The following HYDIN variants were observed in gnomAD, a reference collection of about 807,000 sequenced individuals.
The protein encoded by HYDIN is axonemal central pair apparatus protein HYDIN.
HYDIN carries 132 observed loss-of-function variants against 403.9 expected under a neutral mutation model. The ratio of observed to expected loss-of-function variants is 0.33; its 90% CI spans 0.28 to 0.38. The LOEUF (loss-of-function observed/expected upper bound fraction) is 0.38. HYDIN is among the 10% of genes least tolerant of loss of function. The pLI is 1.00. For synonymous variants in HYDIN, 1,202 were observed against 1,891.7 expected, an observed-to-expected ratio of 0.64 and a Z score of 9.46; for missense variants, 2,827 against 5,009.5, an observed-to-expected ratio of 0.56 and a Z score of 13.15.
At chr16:70,978,363 C>G (rs1240558312) in intron 30 of HYDIN, among the ~76,000 whole-genome samples, 1 of 148,368 alleles carries the variant, frequency 6.7e-6, no homozygotes, top group Non-Finnish European at 1.5e-5. Context: ...TAGAATGACT[C>G]CATCAGCTTA....
At chr16:70,868,099 A>G (rs2039868082) in intron 66 of HYDIN, among the ~76,000 whole-genome samples, 1 of 152,044 alleles carries the variant, frequency 6.6e-6, no homozygotes, top group Non-Finnish European at 1.5e-5. Flanking sequence ...AGAATTACAC[A>G]GGTAGTCAAT....
In HYDIN at chr16:70,874,993, T is replaced by C. The variant is rs563945461; in HGVS notation, c.10558-74A>G. On this transcript the variant is annotated intron_variant, in intron 62 of 85. Transcript: ENST00000393567. ...GGGCTTTGAGTCTGGGGTGAGATAC[T>C]GTGCTGTGTTTGGGGCAGGACCCCA... The C allele has an allele frequency of 3.0e-5, 41 of 1,360,642 alleles. No homozygotes were observed. In the African/African-American group the frequency reaches 4.8e-4, roughly 16 times the overall value. 84.3% of individuals were successfully genotyped at this position (1,360,642 alleles called of 1,614,324 possible).
At chr16:70,943,308 AAAG>A (rs1418781769) in intron 42 of HYDIN, among the ~76,000 whole-genome samples, 12 of 152,252 alleles carry the variant, frequency 7.9e-5, no homozygotes, top group African/African-American at 2.9e-4. Flanking sequence ...AGAAATGTAT[AAAG>A]AAGACTAAAA....
chr16:70,915,866 G>T (rs2143798925), intron 47 of HYDIN, among the ~76,000 whole-genome samples: 1 of 151,014 alleles, frequency 6.6e-6, no homozygotes, highest in East Asian at 2.0e-4. Context: ...ATGGAGTTAT[G>T]TACCTAGGAG....
At chr16:70,967,143 G>T (rs1333287396) in intron 36 of HYDIN, among the ~76,000 whole-genome samples, 1 of 152,128 alleles carries the variant, frequency 6.6e-6, no homozygotes, top group Non-Finnish European at 1.5e-5. Context: ...TTAGACAAAG[G>T]TGTAGCTCAA....
intron 84 of HYDIN, among the ~76,000 whole-genome samples, chr16:70,810,664 TA>T (rs991803451): frequency 6.6e-6 from 1 of 151,594 alleles, no homozygotes; most frequent in Admixed American, 6.6e-5. Context: ...ACCCCATTTC[TA>T]AAAAAAACAG....
rs748825074 is a variant in HYDIN, at chr16:70,882,838, G to A, written c.10037C>T (p.Ala3346Val). The change falls in exon 60 of 86, where the codon GCC (alanine) becomes GTC (valine). Residue 3346 changes from alanine to valine, a missense_variant. Transcript: ENST00000393567. The part of the protein sequence containing the change: ...IFEEHQICTS[A>V]NLHHILQTIE... ...GGTCTGCAGGATGTGGTGCAGGTTG[G>A]CACTGGTACATATCTGGTGCTCTTC... The A allele has an allele frequency of 3.9e-6, 6 of 1,543,602 alleles. No homozygotes were observed. In the South Asian group the frequency reaches 5.6e-5, roughly 14 times the overall value.
At chr16:71,053,267 A>G (rs76433664) in intron 18 of HYDIN, among the ~76,000 whole-genome samples, 1,040 of 143,704 alleles carry the variant, frequency 7.2e-3, no homozygotes, top group South Asian at 0.024. Context: ...TAATTTGGCA[A>G]CATCTAATGA....
chr16:71,214,835 C>T (rs1206292960), intron 1 of HYDIN, among the ~76,000 whole-genome samples: 1 of 152,156 alleles, frequency 6.6e-6, no homozygotes, highest in African/African-American at 2.4e-5. Context: ...TATTTCCTTC[C>T]CTGCCTCATT....
Position 70,818,353 on chromosome 16 carries a change from C to G in HYDIN, c.14647G>C (p.Ala4883Pro), listed in dbSNP as rs1364744862. Residue 4883 changes from alanine (A) to proline (P), a missense_variant, in exon 84 of 86, where the codon GCC becomes CCC. Physicochemically the swap from Ala to Pro is conservative, Grantham distance 27 (BLOSUM62 -1). Transcript: ENST00000393567. ...CCAAGGGGCCGTACCTCGGAGTTGG[C>G]AGGCACCACAAACTGGGAGGGCAGG... ...IALPSQFVVP[A>P]NSEGTFSFEF... The G allele has an allele frequency of 1.2e-6, 2 of 1,612,814 alleles. No individual in the cohort carries two copies. Among genetic ancestry groups the G allele is most frequent in the Non-Finnish European group, 1.7e-6 (2 of 1,179,390 alleles).
intron 67 of HYDIN, among the ~76,000 whole-genome samples, chr16:70,864,759 G>A (rs1487717980): frequency 6.6e-6 from 1 of 152,094 alleles, no homozygotes; most frequent in Non-Finnish European, 1.5e-5. Flanking sequence ...AGAGTTCTCA[G>A]TTTAGGGGTT....
At chr16:71,191,245 C>T (rs2087420878) in intron 1 of HYDIN, among the ~76,000 whole-genome samples, 1 of 152,058 alleles carries the variant, frequency 6.6e-6, no homozygotes, top group Non-Finnish European at 1.5e-5. Context: ...TGTCAATAAA[C>T]ATAAAATAGT....
intron 45 of HYDIN, among the ~76,000 whole-genome samples, chr16:70,923,521 G>C (rs1162766715): frequency 8.5e-6 from 1 of 117,068 alleles, no homozygotes; most frequent in Non-Finnish European, 1.8e-5. Context: ...AATAAGAACA[G>C]GCCAGGTGTG....
At chr16:71,110,448 A>T (rs8049601) in intron 10 of HYDIN, among the ~76,000 whole-genome samples, 11,568 of 141,966 alleles carry the variant, frequency 0.081, 1,550 homozygotes, top group African/African-American at 0.28. Context: ...TAAATAATAT[A>T]ATATATAAAT....
chr16:70,967,851 G>C (rs1479142395), intron 36 of HYDIN, among the ~76,000 whole-genome samples: 2 of 152,054 alleles, frequency 1.3e-5, no homozygotes, highest in Non-Finnish European at 2.9e-5. Context: ...CTCCCAAAAT[G>C]CTAGGATTAT....
At chr16:71,074,437 C>T (rs541925992) in intron 13 of HYDIN, among the ~76,000 whole-genome samples, 1 of 151,564 alleles carries the variant, frequency 6.6e-6, no homozygotes, top group African/African-American at 2.4e-5. Context: ...AATCCCAGCA[C>T]ATGGGAGGCA....
chr16:71,038,779 GC>G (rs1221122132), intron 18 of HYDIN, among the ~76,000 whole-genome samples: 5 of 152,080 alleles, frequency 3.3e-5, no homozygotes, highest in African/African-American at 4.8e-5. Flanking sequence ...TCCTGCCTCA[GC>G]CTCCAGAGTA....
intron 20 of HYDIN, among the ~76,000 whole-genome samples, chr16:71,026,940 CGGGA>C (rs1568015230): frequency 6.6e-6 from 1 of 152,002 alleles, no homozygotes; most frequent in Admixed American, 6.6e-5. Context: ...TGCATTTTGT[CGGGA>C]GGGAGAGACT....
At chr16:71,183,006 C>T (rs893313016) in intron 3 of HYDIN, among the ~76,000 whole-genome samples, 4 of 151,998 alleles carry the variant, frequency 2.6e-5, no homozygotes, top group Non-Finnish European at 5.9e-5. Flanking sequence ...TATGAGACAA[C>T]ATGGAAGCAA....
Sources: gnomAD v4.1 joint callset for allele counts (sites outside exome capture counted in the v4.1 genomes callset) on GRCh38, gnomAD v4.1.1 for gene constraint, MANE v1.5 for transcripts, NCBI Gene and HGNC (gene_info 2026-07-23, HGNC 2026-07-21) for gene names.